The following MDGA2 variants were observed in gnomAD, a reference collection of about 807,000 sequenced individuals.
MDGA2 encodes the protein MAM domain containing glycosylphosphatidylinositol anchor 2.
In MDGA2, 40 loss-of-function variants were observed where a neutral mutation model predicts 117.8. That is an observed-to-expected ratio of 0.34 (90% CI 0.26 to 0.44). MDGA2 has a LOEUF of 0.44. MDGA2 is among the 20% of genes least tolerant of loss of function. The probability of loss-of-function intolerance (pLI) is 1.00; values close to 1 mark genes in which losing one functional copy is unlikely to be tolerated. For synonymous variants in MDGA2, 452 were observed against 439.0 expected, an observed-to-expected ratio of 1.03 and a Z score of -0.37; for missense variants, 1,123 against 1,250.6, an observed-to-expected ratio of 0.90 and a Z score of 1.54.
At chr14:47,253,661 C>T (rs1035789049) in intron 2 of MDGA2, among the ~76,000 whole-genome samples, 4 of 152,086 alleles carry the variant, frequency 2.6e-5, no homozygotes, top group Admixed American at 6.5e-5. Context: ...TCCAGAAGCA[C>T]GGTGCAAGCT....
intron 7 of MDGA2, among the ~76,000 whole-genome samples, chr14:47,053,759 G>A (rs1889560408): frequency 6.6e-6 from 1 of 151,194 alleles, no homozygotes; most frequent in African/African-American, 2.4e-5. Context: ...GTATACAAGA[G>A]AAACATATTT....
intron 1 of MDGA2, among the ~76,000 whole-genome samples, chr14:47,402,648 A>G (rs1892179148): frequency 6.6e-6 from 1 of 152,148 alleles, no homozygotes; most frequent in Non-Finnish European, 1.5e-5. Flanking sequence ...TTCTTTAAAA[A>G]TGTGTTTTTT....
intron 16 of MDGA2, among the ~76,000 whole-genome samples, chr14:46,844,512 C>A (rs1880743254): frequency 6.6e-6 from 1 of 151,830 alleles, no homozygotes; most frequent in Non-Finnish European, 1.5e-5. Flanking sequence ...ACCCGGGAGG[C>A]GGAGATTGCA....
At chr14:47,054,254 T>G (rs1889582708) in intron 7 of MDGA2, among the ~76,000 whole-genome samples, 1 of 152,004 alleles carries the variant, frequency 6.6e-6, no homozygotes, top group Non-Finnish European at 1.5e-5. Flanking sequence ...GGTGGAGAGA[T>G]AAGAAATCTA....
intron 1 of MDGA2, among the ~76,000 whole-genome samples, chr14:47,457,376 G>A (rs1205782544): frequency 1.3e-5 from 2 of 152,104 alleles, no homozygotes; most frequent in African/African-American, 4.8e-5. Context: ...TTTAATAAAT[G>A]CAATGAGAAA....
At chr14:47,223,058 C>T (rs1457380872) in intron 2 of MDGA2, among the ~76,000 whole-genome samples, 2 of 152,032 alleles carry the variant, frequency 1.3e-5, no homozygotes, top group East Asian at 3.9e-4. Flanking sequence ...ATGGTGGTGG[C>T]AAGAGAAAAT....
intron 3 of MDGA2, among the ~76,000 whole-genome samples, chr14:47,191,255 C>A (rs974877249): frequency 1.3e-5 from 2 of 151,610 alleles, no homozygotes; most frequent in African/African-American, 2.4e-5. Context: ...AGAAACCTAC[C>A]ATAATGTTCT....
intron 5 of MDGA2, among the ~76,000 whole-genome samples, chr14:47,104,751 G>C (rs1391176813): frequency 2.0e-5 from 3 of 152,068 alleles, no homozygotes; most frequent in Admixed American, 6.5e-5. Context: ...TCTTTGCTCC[G>C]TGAGAAAGAT....
At chr14:47,164,692 G>A (rs1315337873) in intron 3 of MDGA2, among the ~76,000 whole-genome samples, 2 of 152,282 alleles carry the variant, frequency 1.3e-5, no homozygotes, top group East Asian at 1.9e-4. Context: ...AGACAGTGTG[G>A]CGATTCCTCA....
In MDGA2 at chr14:47,358,186, C is replaced by T. The variant is rs1019532253; in HGVS notation, c.281-56636G>A. On this transcript the variant is annotated intron_variant, in intron 1 of 16. Transcript: ENST00000399232. ...AGAGGTGTCTATTCACCATTTTCTA[C>T]GCATAGATGTGGAAGCATGATCAGC... 1.3e-5 allele frequency among the ~76,000 whole-genome samples: 2 copies of T among 152,180 alleles called. 1 individual carries two copies. Among genetic ancestry groups the T allele is most frequent in the African/African-American group, 4.8e-5 (2 of 41,438 alleles).
At chr14:47,265,123 C>T (rs1887922552) in intron 2 of MDGA2, among the ~76,000 whole-genome samples, 1 of 152,090 alleles carries the variant, frequency 6.6e-6, no homozygotes, top group South Asian at 2.1e-4. Context: ...TTCAAATTAC[C>T]ACTATAATGG....
At chr14:47,304,027 C>T (rs1889364645) in intron 1 of MDGA2, among the ~76,000 whole-genome samples, 1 of 152,150 alleles carries the variant, frequency 6.6e-6, no homozygotes, top group South Asian at 2.1e-4. Context: ...TGCCTGCATA[C>T]TGCAGTCATC....
At chr14:47,266,642 T>C (rs1042702086) in intron 2 of MDGA2, among the ~76,000 whole-genome samples, 1 of 152,196 alleles carries the variant, frequency 6.6e-6, no homozygotes, top group Non-Finnish European at 1.5e-5. Flanking sequence ...CTGTTCCCTA[T>C]AATCTCTTCA....
At chr14:47,427,614 T>C (rs924041682) in intron 1 of MDGA2, among the ~76,000 whole-genome samples, 7 of 152,128 alleles carry the variant, frequency 4.6e-5, no homozygotes, top group African/African-American at 1.7e-4. Flanking sequence ...TAATTGCAAC[T>C]GAGTAATTGT....
chr14:47,520,601 C>T (rs10220462), intron 1 of MDGA2, among the ~76,000 whole-genome samples: 112,718 of 152,074 alleles, frequency 0.74, 42,264 homozygotes, highest in East Asian at 1. Flanking sequence ...AGTCAGAAAA[C>T]AGATACAGAA....
At chr14:47,027,054 T>C (rs1888499656) in intron 8 of MDGA2, among the ~76,000 whole-genome samples, 1 of 151,928 alleles carries the variant, frequency 6.6e-6, no homozygotes, top group Non-Finnish European at 1.5e-5. Flanking sequence ...ACACCTGTAA[T>C]CCCAGCTACT....
intron 8 of MDGA2, among the ~76,000 whole-genome samples, chr14:47,028,917 T>C (rs1888566977): frequency 6.6e-6 from 1 of 152,176 alleles, no homozygotes. Context: ...TAGATCCTCT[T>C]GTATTTCCTC....
At chr14:47,159,996 A>G (rs1045308344) in intron 3 of MDGA2, among the ~76,000 whole-genome samples, 19 of 152,180 alleles carry the variant, frequency 1.2e-4, no homozygotes, top group Admixed American at 5.2e-4. Flanking sequence ...GTTTTCCCCT[A>G]GATTGCAGAT....
chr14:47,159,420 C>T (rs1231244302), intron 3 of MDGA2, among the ~76,000 whole-genome samples: 1 of 152,138 alleles, frequency 6.6e-6, no homozygotes, highest in African/African-American at 2.4e-5. Flanking sequence ...GTATAATATC[C>T]CTGGTCATGA....
Sources: allele counts gnomAD v4.1 joint callset (sites outside exome capture counted in the v4.1 genomes callset), GRCh38; gene constraint gnomAD v4.1.1; transcripts MANE v1.5; gene names NCBI Gene and HGNC (gene_info 2026-07-23, HGNC 2026-07-21).